JHY: variants seen among roughly 807,000 people sequenced by gnomAD.
The protein encoded by JHY is jhy protein homolog.
JHY carries 69 observed loss-of-function variants against 78.0 expected under a neutral mutation model. The observed-to-expected ratio is 0.88, with a 90% confidence interval of 0.73 to 1.08. The LOEUF is 1.08. Among genes scored for constraint, JHY ranks in the 50% least tolerant of loss-of-function variants. The pLI is 0.00. For missense variants in JHY, 944 were observed against 927.8 expected (o/e 1.02, Z -0.23); for synonymous variants, 368 against 342.6 (o/e 1.07, Z -0.82).
intron 2 of JHY, 27 bp from the exon 3 acceptor site, chr11:122,903,898 T>G: frequency 6.5e-7 from 1 of 1,533,346 alleles, no homozygotes; most frequent in Non-Finnish European, 8.8e-7. Flanking sequence ...AACTAAGGAC[T>G]TGGCATTTCT....
chr11:122,928,554 A>G (rs565605747), intron 4 of JHY, among the ~76,000 whole-genome samples: 939 of 82,410 alleles, frequency 0.011, 5 homozygotes, highest in African/African-American at 0.021. Flanking sequence ...AGATACGGGG[A>G]AAAAAAAAAA....
rs1226363679 is a variant in JHY, at chr11:122,885,831, A to AT, written c.-13dup. 5.7e-6 allele frequency: 9 copies of AT among 1,571,604 alleles called. No individual in the cohort carries two copies. The highest frequency in any genetic ancestry group is 2.7e-5 in the African/African-American group (2 of 73,632). On this transcript the variant is annotated 5_prime_UTR_variant, in exon 2 of 9. Transcript: ENST00000227349. ...CTATCAACACGAGTATCCCCTGTTA[A>AT]TTTTTTGCATTTTTCAAGATGAGTA...
rs1196998925 is a variant in JHY at position 122,955,516 on chromosome 11, C to G, written c.1930-980C>G. 2.0e-5 allele frequency among the ~76,000 whole-genome samples: 3 copies of G among 152,220 alleles called. No individual in the cohort carries two copies. The East Asian group carries it at 5.8e-4, about 29-fold the overall frequency. Reference sequence around the variant, plus strand: ...GTAGAATATTAGGGTTTTTTCCTGCCTATTATTGTGCTCAGGTGCCATAAT... The same window carrying G: ...GTAGAATATTAGGGTTTTTTCCTGCGTATTATTGTGCTCAGGTGCCATAAT... On this transcript the variant is annotated intron_variant, in intron 6 of 8. Transcript: ENST00000227349.
At chr11:122,938,983 CTTCT>C in intron 5 of JHY, among the ~76,000 whole-genome samples, 1 of 145,912 alleles carries the variant, frequency 6.9e-6, no homozygotes, top group East Asian at 2.0e-4. Flanking sequence ...CCGCCTGCTT[CTTCT>C]TTTTTTTTTT....
intron 4 of JHY, among the ~76,000 whole-genome samples, chr11:122,929,482 C>T (rs1263949887): frequency 1.3e-5 from 2 of 152,110 alleles, no homozygotes; most frequent in Admixed American, 6.5e-5. Flanking sequence ...AACGAGGAAC[C>T]ATGACAGCTC....
chr11:122,962,801 G>C lies in JHY; in HGVS notation c.*3356G>C, dbSNP rs1864341225. Among the ~76,000 whole-genome samples, 2 of 152,180 alleles carry C rather than the reference G, an allele frequency of 1.3e-5. No individual in the cohort carries two copies. The highest frequency in any genetic ancestry group is 2.9e-5 in the Non-Finnish European group (2 of 68,006). ...CAGTTTTTCAGAAGATGAAATGGAG[G>C]TGAAGAGAAAGGTTACATGACTCGG... On this transcript the variant is annotated 3_prime_UTR_variant, in exon 9 of 9. Transcript: ENST00000227349.
chr11:122,951,985 A>G (rs2135379212), intron 6 of JHY, among the ~76,000 whole-genome samples: 1 of 145,620 alleles, frequency 6.9e-6, no homozygotes, highest in East Asian at 2.0e-4. Context: ...ATCATTGTTG[A>G]TTTACTTTTT....
chr11:122,908,549 C>T (rs561761893), intron 3 of JHY, among the ~76,000 whole-genome samples: 2 of 152,108 alleles, frequency 1.3e-5, no homozygotes, highest in Non-Finnish European at 2.9e-5. Flanking sequence ...ACAGAGAACA[C>T]AAAGGTTTTA....
In JHY at chr11:122,935,617, A is replaced by G. The variant is rs910664476; in HGVS notation, c.1634+542A>G. On this transcript the variant is annotated intron_variant, in intron 5 of 8. Transcript: ENST00000227349. This position sits in a 1 kb window ranked among gnomAD's most constrained non-coding sequence, Gnocchi z 4.5. ...TGTAGTTAAACTAGAAGTTGAAGGG[A>G]GAGGAGGACAGAGGGACCCAGTCAA... Among the ~76,000 whole-genome samples the G allele has an allele frequency of 5.3e-5, 8 of 152,122 alleles. No homozygotes were observed. Among genetic ancestry groups the G allele is most frequent in the Non-Finnish European group, 1.0e-4 (7 of 68,026 alleles).
At chr11:122,948,163 G>T (rs1864005564) in intron 6 of JHY, among the ~76,000 whole-genome samples, 1 of 152,148 alleles carries the variant, frequency 6.6e-6, no homozygotes. Flanking sequence ...TAATTTCTAG[G>T]CCGGGCGTGG....
At chr11:122,952,709 G>T (rs1404814743) in intron 6 of JHY, among the ~76,000 whole-genome samples, 1 of 152,240 alleles carries the variant, frequency 6.6e-6, no homozygotes, top group African/African-American at 2.4e-5. Flanking sequence ...TCAGTGGAAT[G>T]ATTAGAAGTT....
chr11:122,939,235 C>T (rs1056658346), intron 5 of JHY, among the ~76,000 whole-genome samples: 3 of 152,162 alleles, frequency 2.0e-5, no homozygotes, highest in African/African-American at 7.2e-5. Context: ...ATCCACCCAC[C>T]TCGGCCTCCC....
Position 122,885,856 on chromosome 11 carries a change from A to G in JHY, c.7A>G (p.Lys3Glu). The change falls in exon 2 of 9, where the codon AAA becomes GAA. Residue 3 changes from lysine to glutamate, a missense_variant. Coordinates refer to ENST00000227349, the MANE Select transcript of JHY (RefSeq NM_024806.4). MS[K>E]RKLIPKLSIQ... ...ATTTTTTGCATTTTTCAAGATGAGT[A>G]AACGTAAACTAATTCCCAAGCTCTC... The G allele has an allele frequency of 6.2e-7, 1 of 1,603,126 alleles. No individual in the cohort carries two copies. Among genetic ancestry groups the G allele is most frequent in the East Asian group, 2.2e-5 (1 of 44,660 alleles).
intron 6 of JHY, among the ~76,000 whole-genome samples, chr11:122,955,501 A>G (rs766902261): frequency 6.7e-6 from 1 of 150,366 alleles, no homozygotes; most frequent in Non-Finnish European, 1.5e-5. Context: ...GTAGAATATT[A>G]GGGTTTTTTC....
intron 6 of JHY, among the ~76,000 whole-genome samples, chr11:122,948,959 C>A (rs1864026764): frequency 6.6e-6 from 1 of 152,072 alleles, no homozygotes; most frequent in South Asian, 2.1e-4. Flanking sequence ...TGGCAGGTGC[C>A]TGTAATCCCA....
chr11:122,906,716 C>T (rs1230532834), intron 3 of JHY, among the ~76,000 whole-genome samples: 2 of 151,964 alleles, frequency 1.3e-5, no homozygotes, highest in Admixed American at 6.6e-5. Context: ...TTATTAATCG[C>T]TATTTTTGTT....
At chr11:122,902,501 T>G (rs1279737380) in intron 2 of JHY, among the ~76,000 whole-genome samples, 1 of 152,134 alleles carries the variant, frequency 6.6e-6, no homozygotes, top group African/African-American at 2.4e-5. Context: ...ATTAGCCTGT[T>G]CTTGCATTGC....
intron 4 of JHY, among the ~76,000 whole-genome samples, chr11:122,930,172 C>G (rs1291000185): frequency 2.0e-5 from 3 of 152,160 alleles, no homozygotes; most frequent in East Asian, 1.9e-4. Context: ...CCTCTGCCTC[C>G]CAGGTGCAAG....
At chr11:122,925,711 G>A (rs1199351911) in intron 4 of JHY, among the ~76,000 whole-genome samples, 1 of 151,614 alleles carries the variant, frequency 6.6e-6, no homozygotes, top group African/African-American at 2.4e-5. Flanking sequence ...GTGAAACCCT[G>A]TCTCTACTAA....
Sources: gnomAD v4.1 joint callset for allele counts (sites outside exome capture counted in the v4.1 genomes callset) on GRCh38, gnomAD v4.1.1 for gene constraint, Gnocchi (gnomAD v3.1) non-coding constraint, MANE v1.5 for transcripts, NCBI Gene and HGNC (gene_info 2026-07-23, HGNC 2026-07-21) for gene names.